Variants in RASA1 observed in about 807,000 individuals in gnomAD.
RASA1 encodes RAS p21 protein activator 1.
Under a neutral mutation model 132.2 loss-of-function variants are expected in RASA1, and 25 were observed. The ratio of observed to expected loss-of-function variants is 0.19; its 90% CI spans 0.14 to 0.26. The LOEUF (loss-of-function observed/expected upper bound fraction) is 0.26. Ranked by LOEUF, RASA1 falls within the 10% of genes least tolerant of loss-of-function variation. The pLI is 1.00. For synonymous variants in RASA1, 477 were observed against 449.9 expected (o/e 1.06, Z -0.76); for missense variants, 964 against 1,299.2 (o/e 0.74, Z 3.97).
chr5:87,380,397 A>C (rs1761626096), intron 19 of RASA1, 112 bp from the exon 20 acceptor site: 1 of 991,208 alleles, frequency 1.0e-6, no homozygotes, highest in Non-Finnish European at 1.6e-6. Context: ...TTTTGGGTAA[A>C]AGGCCAGTTT....
At chr5:87,318,160 C>G (rs1007421807) in intron 1 of RASA1, among the ~76,000 whole-genome samples, 17 of 152,204 alleles carry the variant, frequency 1.1e-4, no homozygotes, top group African/African-American at 3.4e-4. Context: ...ACAGTTCTAC[C>G]TGAGCTTCTA....
At position 87,370,204 on chromosome 5, in the gene RASA1, A is replaced by G. The variant is rs1305725962; in HGVS notation, c.1698+304A>G. ...CCTCTCTGCATAAAGGTTATAGGTC[A>G]TCTCAGTATAATCCAAAGGTAAGCC... On this transcript the variant is annotated intron_variant, in intron 12 of 24. Coordinates refer to ENST00000274376, the MANE Select transcript of RASA1 (RefSeq NM_002890.3). Among the ~76,000 whole-genome samples, 3 of 152,192 alleles carry G rather than the reference A, an allele frequency of 2.0e-5. No homozygotes were observed. In the East Asian group the frequency reaches 5.8e-4, roughly 29 times the overall value.
intron 11 of RASA1, among the ~76,000 whole-genome samples, chr5:87,367,947 G>A (rs1249121399): frequency 1.3e-5 from 2 of 151,506 alleles, no homozygotes; most frequent in East Asian, 1.9e-4. Context: ...TTTTTAGTGG[G>A]AAAACTAAAA....
chr5:87,331,076 C>G, intron 1 of RASA1: 3 of 1,037,726 alleles, frequency 2.9e-6, no homozygotes, highest in Non-Finnish European at 4.1e-6. Flanking sequence ...AGCAGGCAAT[C>G]CTGGAAGTAG....
intron 1 of RASA1, among the ~76,000 whole-genome samples, chr5:87,314,029 C>T (rs1339225950): frequency 3.3e-5 from 5 of 152,014 alleles, no homozygotes; most frequent in South Asian, 4.1e-4. Flanking sequence ...ATGAGCCAGG[C>T]GTGGTGGCAC....
At chr5:87,311,147 T>C (rs190942108) in intron 1 of RASA1, among the ~76,000 whole-genome samples, 188 of 152,340 alleles carry the variant, frequency 1.2e-3, no homozygotes, top group African/African-American at 4.4e-3. Flanking sequence ...ACTTCTTTTA[T>C]GACACATTAG....
At chr5:87,305,849 G>T (rs145900987) in intron 1 of RASA1, among the ~76,000 whole-genome samples, 1 of 152,166 alleles carries the variant, frequency 6.6e-6, no homozygotes, top group Admixed American at 6.5e-5. Context: ...AAAAGAAGAC[G>T]TACTTGCGGG....
chr5:87,380,655 T>C (rs1022716575), intron 20 of RASA1, 60 bp downstream of exon 20: 20 of 1,401,042 alleles, frequency 1.4e-5, no homozygotes, highest in Admixed American at 6.7e-5. Flanking sequence ...TTGTGAAAAA[T>C]TGAGGAATAA....
At position 87,268,468 on chromosome 5, in the gene RASA1, C is replaced by T. The variant is rs1010729751; in HGVS notation, c.17C>T (p.Ala6Val). 22 of 1,550,696 alleles carry T rather than the reference C, an allele frequency of 1.4e-5. No homozygotes were observed. Among genetic ancestry groups the T allele is most frequent in the Admixed American group, 3.9e-5 (2 of 51,004 alleles). Residue 6 changes from alanine to valine, a missense_variant, in exon 1 of 25, where the codon GCC becomes GTC. Physicochemically the swap from Ala to Val is moderately conservative, Grantham distance 64 (BLOSUM62 0). This residue lies in a region of RASA1 where 326 missense variants were observed against 275.8 expected (regional missense o/e 1.18). Transcript: ENST00000274376. MMAAE[A>V]GSEEGGPVTA... ...GGCTTCAACATGATGGCGGCCGAGG[C>T]CGGCAGTGAGGAGGGCGGCCCGGTA...
At chr5:87,381,376 A>G (rs1299399501) in intron 20 of RASA1, among the ~76,000 whole-genome samples, 3 of 152,144 alleles carry the variant, frequency 2.0e-5, no homozygotes, top group Non-Finnish European at 4.4e-5. Context: ...TACCCCAACT[A>G]ATTCCAGGCA....
At chr5:87,270,848 T>C (rs1204270056) in intron 1 of RASA1, among the ~76,000 whole-genome samples, 2 of 152,066 alleles carry the variant, frequency 1.3e-5, no homozygotes, top group African/African-American at 4.8e-5. Context: ...TTCCACTTTT[T>C]ATATTCCTCA....
chr5:87,359,366 C>T (rs1759899756), intron 9 of RASA1, among the ~76,000 whole-genome samples: 1 of 152,136 alleles, frequency 6.6e-6, no homozygotes, highest in Non-Finnish European at 1.5e-5. Flanking sequence ...AAAAGGAACA[C>T]GTAGAGAAGC....
chr5:87,283,710 AC>A (rs1186977790), intron 1 of RASA1, among the ~76,000 whole-genome samples: 1 of 152,124 alleles, frequency 6.6e-6, no homozygotes, highest in Non-Finnish European at 1.5e-5. Flanking sequence ...CACAGAGCCT[AC>A]CAAGTGATAC....
intron 5 of RASA1, among the ~76,000 whole-genome samples, chr5:87,338,536 A>ATTTTTTTTTT (rs1232583853): frequency 2.5e-4 from 21 of 85,220 alleles, no homozygotes; most frequent in African/African-American, 9.3e-4. Flanking sequence ...TATATATAAA[A>ATTTTTTTTTT]TTTTTTTTTT....
chr5:87,367,539 T>A (rs901942131), intron 11 of RASA1, among the ~76,000 whole-genome samples: 4 of 152,186 alleles, frequency 2.6e-5, no homozygotes, highest in Admixed American at 2.0e-4. Flanking sequence ...GCTGTGCAAT[T>A]TTTCCAGATT....
chr5:87,345,773 G>A (rs1343923922), intron 6 of RASA1, among the ~76,000 whole-genome samples: 2 of 152,126 alleles, frequency 1.3e-5, no homozygotes, highest in East Asian at 1.9e-4. Flanking sequence ...TATTTTAGTC[G>A]TATATTTACT....
intron 8 of RASA1, among the ~76,000 whole-genome samples, chr5:87,351,502 A>G (rs1759274672): frequency 6.6e-6 from 1 of 151,786 alleles, no homozygotes; most frequent in Middle Eastern, 3.2e-3. Context: ...AAGAGTGCAC[A>G]TGGTTTTATG....
rs551175415 is a variant in RASA1, at chr5:87,269,310, A to G, written c.539+320A>G. 627 of 1,535,808 alleles carry G rather than the reference A, an allele frequency of 4.1e-4. No homozygotes were observed. Among genetic ancestry groups the G allele is most frequent in the East Asian group, 3.3e-3 (136 of 40,918 alleles). On this transcript the variant is annotated intron_variant, in intron 1 of 24. Transcript: ENST00000274376. ...GAGGTGGTGTCCCAGAATTTAGTCAAACTGCGGCTACCAAGGCAGTCATAG... is the reference window on the plus strand; with the variant it reads ...GAGGTGGTGTCCCAGAATTTAGTCAGACTGCGGCTACCAAGGCAGTCATAG...
intron 1 of RASA1, among the ~76,000 whole-genome samples, chr5:87,289,328 C>T (rs939984046): frequency 6.6e-6 from 1 of 152,016 alleles, no homozygotes; most frequent in Non-Finnish European, 1.5e-5. Context: ...GTGGGTTGCA[C>T]CAGATTTTGC....
Sources: gnomAD v4.1 joint callset for allele counts (sites outside exome capture counted in the v4.1 genomes callset) on GRCh38, gnomAD v4.1.1 for gene constraint, gnomAD v4.1.1 regional missense constraint, MANE v1.5 for transcripts, NCBI Gene and HGNC (gene_info 2026-07-23, HGNC 2026-07-21) for gene names.